The following VRK2 variants were observed in gnomAD, a reference collection of about 807,000 sequenced individuals.
The protein encoded by VRK2 is serine/threonine-protein kinase VRK2.
VRK2 carries 60 observed loss-of-function variants against 57.6 expected under a neutral mutation model. The ratio of observed to expected loss-of-function variants is 1.04; its 90% CI spans 0.85 to 1.29. The LOEUF is 1.29. Among genes scored for constraint, VRK2 ranks in the 50% most tolerant of loss-of-function variants. The pLI is 0.00. For missense variants in VRK2, 705 were observed against 588.1 expected (o/e 1.20, Z -2.06); for synonymous variants, 231 against 199.2 (o/e 1.16, Z -1.35).
At chr2:57,974,693 A>G (rs1672195442) in intron 1 of VRK2, among the ~76,000 whole-genome samples, 1 of 151,968 alleles carries the variant, frequency 6.6e-6, no homozygotes, top group Non-Finnish European at 1.5e-5. Flanking sequence ...TTAAATAGAA[A>G]ACATTTAAAG....
intron 9 of VRK2, 177 bp downstream of exon 9, chr2:58,132,105 G>A: frequency 3.1e-6 from 2 of 655,476 alleles, no homozygotes; most frequent in Non-Finnish European, 4.8e-6. Context: ...AATCCATTAA[G>A]GTAACATTGT....
intron 10 of VRK2, among the ~76,000 whole-genome samples, chr2:58,136,940 TTA>T (rs1253816534): frequency 2.2e-5 from 3 of 136,034 alleles, no homozygotes. Flanking sequence ...ATCATATATA[TTA>T]TATATCATAT....
At chr2:58,081,731 AC>A (rs927376191) in intron 2 of VRK2, among the ~76,000 whole-genome samples, 1 of 151,762 alleles carries the variant, frequency 6.6e-6, no homozygotes, top group African/African-American at 2.4e-5. Context: ...TTTTCAGTCT[AC>A]CGTATTCTAG....
chr2:58,094,958 A>G (rs1024331553), intron 7 of VRK2, among the ~76,000 whole-genome samples: 1 of 152,102 alleles, frequency 6.6e-6, no homozygotes, highest in Admixed American at 6.6e-5. Context: ...TATCTTAGCT[A>G]TTTATACTGG....
intron 3 of VRK2, chr2:58,033,594 T>C (rs191152934): frequency 7.0e-4 from 107 of 152,212 alleles, no homozygotes; most frequent in African/African-American, 2.4e-3. Context: ...ACTAAGTTTG[T>C]GGTAATTTGT....
intron 1 of VRK2, among the ~76,000 whole-genome samples, chr2:57,968,244 C>T (rs1018528737): frequency 6.6e-6 from 1 of 151,482 alleles, no homozygotes; most frequent in Non-Finnish European, 1.5e-5. Context: ...ATGTAAATCA[C>T]GAAAGAAAGA....
chr2:58,151,721 T>C (rs1316417009), intron 12 of VRK2, among the ~76,000 whole-genome samples: 2 of 146,010 alleles, frequency 1.4e-5, no homozygotes, highest in Non-Finnish European at 1.5e-5. Context: ...TTAACTATGC[T>C]TCTATGCTTG....
chr2:57,959,729 G>A (rs915051581), intron 1 of VRK2, among the ~76,000 whole-genome samples: 1 of 152,176 alleles, frequency 6.6e-6, no homozygotes, highest in Non-Finnish European at 1.5e-5. Context: ...CAGAGGCTCG[G>A]CAGGTCCCTA....
intron 7 of VRK2, among the ~76,000 whole-genome samples, chr2:58,095,776 C>T (rs1673052245): frequency 6.6e-6 from 1 of 151,172 alleles, no homozygotes; most frequent in Non-Finnish European, 1.5e-5. Context: ...TTGTCTAATA[C>T]ATTCAATACA....
At chr2:58,028,478 G>C (rs1480627492) in intron 2 of VRK2, 1 of 152,106 alleles carries the variant, frequency 6.6e-6, no homozygotes, top group Non-Finnish European at 1.5e-5. Flanking sequence ...TATATACCCA[G>C]TAATGGGATG....
upstream of VRK2, chr2:58,046,375 C>T (rs564216589): frequency 2.1e-5 from 11 of 533,202 alleles, no homozygotes; most frequent in South Asian, 5.6e-4. Flanking sequence ...ACATACAGGC[C>T]CTCCTAACTG....
intron 7 of VRK2, among the ~76,000 whole-genome samples, chr2:58,114,495 G>A (rs1352068669): frequency 2.6e-4 from 40 of 152,326 alleles, no homozygotes; most frequent in African/African-American, 7.9e-4. Flanking sequence ...AAAAAGGAGC[G>A]TCTATACAGG....
rs761647842 is a variant in VRK2 at position 57,952,115 on chromosome 2, TAGAG to T, written c.-439+44286_-439+44289del. Among the ~76,000 whole-genome samples the T allele has an allele frequency of 9.9e-5, 15 of 151,486 alleles. No homozygotes were observed. In the East Asian group the frequency reaches 2.3e-3, roughly 23 times the overall value. On this transcript the variant is annotated intron_variant, in intron 1 of 15. Coordinates refer to the VRK2 transcript ENST00000417641. ...ATATTTATACCTTAATTTATATTTATAGAGAGAGAGAGATAGAGATAGAGATAGA... is the reference window on the plus strand; with the variant it reads ...ATATTTATACCTTAATTTATATTTATAGAGAGAGATAGAGATAGAGATAGA...
intron 1 of VRK2, among the ~76,000 whole-genome samples, chr2:57,921,766 C>G (rs1670358074): frequency 6.6e-6 from 1 of 152,056 alleles, no homozygotes; most frequent in Admixed American, 6.6e-5. Flanking sequence ...TAGCCATAAG[C>G]TAGGAGTTGC....
intron 7 of VRK2, among the ~76,000 whole-genome samples, chr2:58,119,490 A>AT (rs1677089902): frequency 1.3e-5 from 2 of 151,468 alleles, no homozygotes; most frequent in Non-Finnish European, 2.9e-5. Context: ...AAAAAAAAAA[A>AT]AAAAGCTTTT....
At chr2:57,951,137 G>A (rs1671416210) in intron 1 of VRK2, among the ~76,000 whole-genome samples, 1 of 151,994 alleles carries the variant, frequency 6.6e-6, no homozygotes. Context: ...CATGGGAGGA[G>A]TTCAAAATAA....
chr2:57,911,446 G>A (rs2678902), intron 1 of VRK2, among the ~76,000 whole-genome samples: 50,011 of 151,976 alleles, frequency 0.33, 8,748 homozygotes, highest in East Asian at 0.41. Context: ...GTGCTGATGC[G>A]TTCTGATGGT....
intron 1 of VRK2, among the ~76,000 whole-genome samples, chr2:57,961,755 A>G (rs999931546): frequency 6.6e-6 from 1 of 152,106 alleles, no homozygotes; most frequent in Non-Finnish European, 1.5e-5. Flanking sequence ...CCAGTTGTAC[A>G]TAGAGAGCAC....
chr2:58,048,766 T>A, intron 1 of VRK2, 61 bp from the exon 2 acceptor site: 1 of 1,578,528 alleles, frequency 6.3e-7, no homozygotes, highest in South Asian at 1.2e-5. Flanking sequence ...GAAGTGTATT[T>A]TAAGAGTTTT....
Sources: allele counts gnomAD v4.1 joint callset (sites outside exome capture counted in the v4.1 genomes callset), GRCh38; gene constraint gnomAD v4.1.1; transcripts MANE v1.5; gene names NCBI Gene and HGNC (gene_info 2026-07-23, HGNC 2026-07-21).